EFCAB13: variants seen among roughly 807,000 people sequenced by gnomAD.
The protein encoded by EFCAB13 is EF-hand calcium-binding domain-containing protein 13.
A neutral mutation model predicts 110.2 loss-of-function variants in EFCAB13; 91 were observed. The ratio of observed to expected loss-of-function variants is 0.83; its 90% CI spans 0.70 to 0.98. The LOEUF is 0.98. Among genes scored for constraint, EFCAB13 ranks in the 50% least tolerant of loss-of-function variants. EFCAB13 has a pLI of 0.00. For missense variants in EFCAB13, 968 were observed against 1,119.4 expected (o/e 0.86, Z 1.93); for synonymous variants, 323 against 369.9 (o/e 0.87, Z 1.45).
At chr17:47,414,767 CTATT>C (rs1244528655) in intron 22 of EFCAB13, 77 bp from the exon 23 acceptor site, 1 of 858,112 alleles carries the variant, frequency 1.2e-6, no homozygotes, top group Non-Finnish European at 1.9e-6. Flanking sequence ...TTTTAGCTAA[CTATT>C]GTAAATCGGT....
intron 5 of EFCAB13, among the ~76,000 whole-genome samples, chr17:47,338,504 C>G (rs534362849): frequency 1.3e-5 from 2 of 151,838 alleles, no homozygotes; most frequent in African/African-American, 4.8e-5. Flanking sequence ...GCCACTTTGG[C>G]CTCCCAAAGT....
At position 47,361,734 on chromosome 17, in the gene EFCAB13, T is replaced by A. The variant is rs556468401; in HGVS notation, c.805+213T>A. On this transcript the variant is annotated intron_variant, in intron 10 of 24. Coordinates refer to ENST00000331493, the MANE Select transcript of EFCAB13 (RefSeq NM_152347.5). Reference sequence around the variant, plus strand: ...TTTCTAAAATTGTTATAGTTTGGTATGTTTGGTTAAAGAATAAAATGAATT... The same window carrying A: ...TTTCTAAAATTGTTATAGTTTGGTAAGTTTGGTTAAAGAATAAAATGAATT... Among the ~76,000 whole-genome samples, 36 of 152,326 alleles carry A rather than the reference T, an allele frequency of 2.4e-4. No homozygotes were observed. In the South Asian group the frequency reaches 3.1e-3, roughly 13 times the overall value.
chr17:47,406,583 G>T (rs949228181), intron 20 of EFCAB13, among the ~76,000 whole-genome samples: 2 of 152,172 alleles, frequency 1.3e-5, no homozygotes, highest in African/African-American at 4.8e-5. Context: ...AATAAAATTA[G>T]TTGGTTGCAG....
chr17:47,330,812 A>G (rs2065315944), intron 4 of EFCAB13, among the ~76,000 whole-genome samples: 1 of 151,792 alleles, frequency 6.6e-6, no homozygotes, highest in African/African-American at 2.4e-5. Flanking sequence ...CTTTGGGTAG[A>G]TACCCAGTAG....
intron 5 of EFCAB13, among the ~76,000 whole-genome samples, chr17:47,341,651 G>A (rs953501223): frequency 1.3e-5 from 2 of 151,744 alleles, no homozygotes; most frequent in African/African-American, 4.8e-5. Flanking sequence ...GTGCACCTCC[G>A]TACCCAGCCC....
chr17:47,410,683 C>T (rs1200859967), intron 21 of EFCAB13, among the ~76,000 whole-genome samples: 1 of 152,168 alleles, frequency 6.6e-6, no homozygotes, highest in Non-Finnish European at 1.5e-5. Context: ...CCAAAACACA[C>T]AGGCATAGGA....
At chr17:47,432,269 GC>G (rs1905129523) in intron 24 of EFCAB13, among the ~76,000 whole-genome samples, 1 of 151,976 alleles carries the variant, frequency 6.6e-6, no homozygotes, top group African/African-American at 2.4e-5. Context: ...GTGGTGGCGG[GC>G]GCCTGTAGTC....
chr17:47,436,061 G>A (rs896920381), intron 24 of EFCAB13, among the ~76,000 whole-genome samples: 1 of 152,142 alleles, frequency 6.6e-6, no homozygotes, highest in Non-Finnish European at 1.5e-5. Context: ...ATCTGTTTAT[G>A]TGGTGTATCA....
At chr17:47,332,660 A>G (rs992781576) in intron 4 of EFCAB13, among the ~76,000 whole-genome samples, 2 of 152,004 alleles carry the variant, frequency 1.3e-5, no homozygotes, top group Non-Finnish European at 2.9e-5. Context: ...AAGTGAGATC[A>G]TACAGTGTTT....
chr17:47,437,749 CT>C (rs1410250884), intron 24 of EFCAB13, among the ~76,000 whole-genome samples: 1 of 152,128 alleles, frequency 6.6e-6, no homozygotes, highest in African/African-American at 2.4e-5. Context: ...GCATTTAGGC[CT>C]TTGACATTCA....
chr17:47,407,123 G>A (rs903925623), intron 20 of EFCAB13, among the ~76,000 whole-genome samples: 2 of 152,164 alleles, frequency 1.3e-5, no homozygotes, highest in East Asian at 3.9e-4. Context: ...GAGAAAAATT[G>A]GCATTTAGGA....
intron 14 of EFCAB13, among the ~76,000 whole-genome samples, chr17:47,380,269 C>T (rs1387377039): frequency 6.6e-6 from 1 of 151,938 alleles, no homozygotes; most frequent in Non-Finnish European, 1.5e-5. Flanking sequence ...TGTGATGTTC[C>T]CCTCCCTGTG....
intron 3 of EFCAB13, among the ~76,000 whole-genome samples, chr17:47,326,863 A>G (rs2143206405): frequency 6.6e-6 from 1 of 152,366 alleles, no homozygotes; most frequent in East Asian, 1.9e-4. Flanking sequence ...TCACATTGAA[A>G]AATAATGACT....
At chr17:47,352,198 G>A (rs1035962896) in intron 9 of EFCAB13, among the ~76,000 whole-genome samples, 7 of 151,844 alleles carry the variant, frequency 4.6e-5, no homozygotes, top group South Asian at 2.1e-4. Context: ...CACCACGCCC[G>A]GCCTCATCTA....
chr17:47,336,546 C>T (rs527541276), intron 5 of EFCAB13, among the ~76,000 whole-genome samples: 3 of 152,012 alleles, frequency 2.0e-5, no homozygotes, highest in South Asian at 4.2e-4. Flanking sequence ...CTGCTTCTGC[C>T]TCCCAAAGTG....
At chr17:47,420,287 C>T (rs1472388534) in intron 23 of EFCAB13, among the ~76,000 whole-genome samples, 7 of 152,198 alleles carry the variant, frequency 4.6e-5, no homozygotes, top group African/African-American at 9.6e-5. Context: ...GGCGTGATCT[C>T]GGCTCGCTAC....
intron 6 of EFCAB13, among the ~76,000 whole-genome samples, chr17:47,342,293 C>T (rs981221464): frequency 6.6e-6 from 1 of 151,358 alleles, no homozygotes; most frequent in Admixed American, 6.6e-5. Flanking sequence ...TTACTGTGCT[C>T]TCTGCTAACA....
At chr17:47,411,633 CTG>C (rs1270565545) in intron 21 of EFCAB13, among the ~76,000 whole-genome samples, 2 of 152,104 alleles carry the variant, frequency 1.3e-5, no homozygotes, top group Non-Finnish European at 2.9e-5. Flanking sequence ...TGTAAAATAA[CTG>C]TTAGTAGAAT....
At chr17:47,397,421 G>T (rs2065746724) in intron 17 of EFCAB13, among the ~76,000 whole-genome samples, 1 of 151,728 alleles carries the variant, frequency 6.6e-6, no homozygotes, top group Non-Finnish European at 1.5e-5. Context: ...TGCAGCCTCT[G>T]CCCGGCCGCC....
Sources: gnomAD v4.1 joint callset for allele counts (sites outside exome capture counted in the v4.1 genomes callset) on GRCh38, gnomAD v4.1.1 for gene constraint, MANE v1.5 for transcripts, NCBI Gene and HGNC (gene_info 2026-07-23, HGNC 2026-07-21) for gene names.